The following DOCK2 variants were observed in gnomAD, a reference collection of about 807,000 sequenced individuals.
DOCK2 encodes dedicator of cytokinesis 2, also known as dedicator of cytokinesis protein 2.
A neutral mutation model predicts 248.9 loss-of-function variants in DOCK2; 87 were observed. The ratio of observed to expected loss-of-function variants is 0.35; its 90% CI spans 0.29 to 0.42. The LOEUF (loss-of-function observed/expected upper bound fraction) is 0.42. DOCK2 is among the 10% of genes least tolerant of loss of function. The pLI is 1.00. For missense variants in DOCK2, 1,747 were observed against 2,300.2 expected (o/e 0.76, Z 4.92); for synonymous variants, 805 against 821.6 (o/e 0.98, Z 0.35).
At chr5:169,743,299 T>TGGC (rs1434239219) in intron 22 of DOCK2, among the ~76,000 whole-genome samples, 21 of 152,326 alleles carry the variant, frequency 1.4e-4, no homozygotes, top group Non-Finnish European at 1.6e-4. Flanking sequence ...AGCTGGGCAT[T>TGGC]GGTGGCTTGT....
chr5:170,002,685 A>C (rs1263788585), intron 30 of DOCK2, among the ~76,000 whole-genome samples: 1 of 152,168 alleles, frequency 6.6e-6, no homozygotes. Context: ...CTTTTACCTT[A>C]TCTGGACTTT....
intron 27 of DOCK2, among the ~76,000 whole-genome samples, chr5:169,928,038 A>G (rs1200425102): frequency 6.6e-6 from 1 of 152,170 alleles, no homozygotes; most frequent in East Asian, 1.9e-4. Context: ...TTTTTCTTAA[A>G]CAGGTGGTAG....
intron 27 of DOCK2, among the ~76,000 whole-genome samples, chr5:169,966,205 G>A (rs1491001946): frequency 2.0e-5 from 3 of 152,042 alleles, no homozygotes; most frequent in Non-Finnish European, 4.4e-5. Context: ...AGGATTTATT[G>A]TTTTAATCAT....
intron 25 of DOCK2, among the ~76,000 whole-genome samples, chr5:169,775,210 A>G (rs1765317153): frequency 6.6e-6 from 1 of 152,180 alleles, no homozygotes; most frequent in Non-Finnish European, 1.5e-5. Flanking sequence ...ACACCCAGCC[A>G]TATGCCTATG....
At chr5:170,067,446 T>C (rs1757532428) in intron 44 of DOCK2, 64 bp from the exon 45 acceptor site, 1 of 1,522,992 alleles carries the variant, frequency 6.6e-7, no homozygotes, top group Admixed American at 1.8e-5. Flanking sequence ...TCAATACCAA[T>C]AATATCTGTT....
intron 22 of DOCK2, 129 bp downstream of exon 22, chr5:169,718,920 T>G (rs1762046814): frequency 2.4e-6 from 3 of 1,271,410 alleles, no homozygotes; most frequent in Admixed American, 2.5e-5. Flanking sequence ...AGCTCAAGAA[T>G]CCAACCTAGA....
intron 50 of DOCK2, chr5:170,081,542 C>A (rs1034138526): frequency 1.6e-5 from 6 of 376,100 alleles, no homozygotes; most frequent in Non-Finnish European, 2.9e-5. Flanking sequence ...CTCACACTGT[C>A]CCCTGCCTTG....
intron 27 of DOCK2, among the ~76,000 whole-genome samples, chr5:169,972,688 A>C (rs1440297004): frequency 1.3e-5 from 2 of 152,100 alleles, no homozygotes; most frequent in Non-Finnish European, 1.5e-5. Flanking sequence ...GACCATCATC[A>C]TACCTGACAT....
chr5:169,806,686 C>A (rs1238305174), intron 26 of DOCK2, among the ~76,000 whole-genome samples: 1 of 152,188 alleles, frequency 6.6e-6, no homozygotes, highest in Non-Finnish European at 1.5e-5. Flanking sequence ...TCATGCCCAC[C>A]TTTGAGTGGT....
intron 27 of DOCK2, among the ~76,000 whole-genome samples, chr5:169,914,478 G>A (rs1206553937): frequency 6.6e-6 from 1 of 152,174 alleles, no homozygotes; most frequent in African/African-American, 2.4e-5. Flanking sequence ...TGGGTGGAGG[G>A]ATTGATTATT....
At chr5:170,004,448 T>C (rs978710439) in intron 30 of DOCK2, among the ~76,000 whole-genome samples, 2 of 152,238 alleles carry the variant, frequency 1.3e-5, no homozygotes, top group Non-Finnish European at 2.9e-5. Flanking sequence ...TTTTTTCATG[T>C]ATTTTTTGGC....
intron 22 of DOCK2, among the ~76,000 whole-genome samples, chr5:169,742,409 G>T (rs905890164): frequency 1.3e-5 from 2 of 152,176 alleles, no homozygotes; most frequent in Admixed American, 6.5e-5. Context: ...AGGTACCTTA[G>T]CCAAGGTCAC....
chr5:170,025,972 T>C (rs1388798451), intron 33 of DOCK2, among the ~76,000 whole-genome samples: 1 of 152,098 alleles, frequency 6.6e-6, no homozygotes, highest in Non-Finnish European at 1.5e-5. Flanking sequence ...CCATCTGGAA[T>C]GCCTTCCTTT....
intron 27 of DOCK2, among the ~76,000 whole-genome samples, chr5:169,862,562 T>G (rs2113412821): frequency 6.6e-6 from 1 of 152,380 alleles, no homozygotes; most frequent in African/African-American, 2.4e-5. Context: ...GAAATGTGGC[T>G]TCTTAAGTAT....
intron 22 of DOCK2, among the ~76,000 whole-genome samples, chr5:169,738,223 T>TG (rs1473016466): frequency 2.6e-5 from 4 of 152,224 alleles, no homozygotes; most frequent in African/African-American, 9.6e-5. Flanking sequence ...TAGGAATTTT[T>TG]AAAGGATTTT....
chr5:169,678,944 G>A (rs1759497239), intron 6 of DOCK2, among the ~76,000 whole-genome samples: 1 of 152,182 alleles, frequency 6.6e-6, no homozygotes, highest in South Asian at 2.1e-4. Context: ...CTCGGAGGGA[G>A]AGAATGTGGG....
Position 170,081,822 on chromosome 5 carries a change from C to T in DOCK2, c.5288-20C>T, listed in dbSNP as rs1758043490. On this transcript the variant is annotated intron_variant, in intron 50 of 51. Coordinates refer to ENST00000520908, the MANE Select transcript of DOCK2 (RefSeq NM_004946.3). ...CTCCTCTACCCACCCATTCACACCCCAGCTCTGCTCTCCTTCCAGCCCTGG... is the reference window on the plus strand; with the variant it reads ...CTCCTCTACCCACCCATTCACACCCTAGCTCTGCTCTCCTTCCAGCCCTGG... 6.2e-7 allele frequency: 1 copy of T among 1,606,534 alleles called. No individual in the cohort carries two copies. The highest frequency in any genetic ancestry group is 1.3e-5 in the African/African-American group (1 of 74,632).
chr5:169,787,556 T>G (rs1766061055), intron 25 of DOCK2, among the ~76,000 whole-genome samples: 1 of 152,172 alleles, frequency 6.6e-6, no homozygotes, highest in Non-Finnish European at 1.5e-5. Flanking sequence ...AGTCTTAACC[T>G]TGTCCTTTTG....
intron 36 of DOCK2, among the ~76,000 whole-genome samples, chr5:170,038,329 T>C (rs1756391514): frequency 1.3e-5 from 2 of 152,176 alleles, no homozygotes; most frequent in South Asian, 4.1e-4. Context: ...TCCACAAGCT[T>C]TGGAGATTTG....
Sources: gnomAD v4.1 joint callset for allele counts (sites outside exome capture counted in the v4.1 genomes callset) on GRCh38, gnomAD v4.1.1 for gene constraint, MANE v1.5 for transcripts, NCBI Gene and HGNC (gene_info 2026-07-23, HGNC 2026-07-21) for gene names.